ADAMTSL1: variants seen among roughly 807,000 people sequenced by gnomAD.
ADAMTSL1 encodes the protein ADAMTS-like protein 1.
In ADAMTSL1, 126 loss-of-function variants were observed where a neutral mutation model predicts 201.8. That is an observed-to-expected ratio of 0.62 (90% CI 0.54 to 0.72). The LOEUF is 0.72. Among genes scored for constraint, ADAMTSL1 ranks in the 30% least tolerant of loss-of-function variants. The pLI is 0.00. For missense variants in ADAMTSL1, 2,679 were observed against 2,277.8 expected (o/e 1.18, Z -3.59); for synonymous variants, 1,121 against 903.4 (o/e 1.24, Z -4.32).
Position 18,515,311 on chromosome 9 carries a change from G to T in ADAMTSL1, c.191+10355G>T, listed in dbSNP as rs935171679. The stretch of plus-strand genomic sequence containing the variant: ...GCTCCCTGAAAAAGTAGAGGTTAGG[G>T]TAAAGAAGAAAAGAAGAATTTTTGT... On this transcript the variant is annotated intron_variant, in intron 2 of 28. Transcript: ENST00000380548. Among the ~76,000 whole-genome samples, 13 of 152,232 alleles carry T rather than the reference G, an allele frequency of 8.5e-5. No homozygotes were observed. In the East Asian group the frequency reaches 1.9e-3, roughly 23 times the overall value.
intron 19 of ADAMTSL1, among the ~76,000 whole-genome samples, chr9:18,793,008 A>G (rs1822152590): frequency 6.6e-6 from 1 of 152,366 alleles, no homozygotes; most frequent in Non-Finnish European, 1.5e-5. Context: ...TGGATGAGCT[A>G]TATCACAAGC....
chr9:18,860,704 G>A (rs2131414635), intron 23 of ADAMTSL1, among the ~76,000 whole-genome samples: 1 of 152,132 alleles, frequency 6.6e-6, no homozygotes, highest in South Asian at 2.1e-4. Context: ...ATTTTAAGGG[G>A]AAAAAATCTC....
At chr9:17,946,020 C>CA (rs1827454921) in intron 1 of ADAMTSL1, among the ~76,000 whole-genome samples, 2 of 150,306 alleles carry the variant, frequency 1.3e-5, no homozygotes, top group African/African-American at 4.9e-5. Context: ...TCTGTATGTT[C>CA]GTAATTCTTT....
At chr9:17,995,270 C>A (rs917691073) in intron 1 of ADAMTSL1, among the ~76,000 whole-genome samples, 4 of 152,114 alleles carry the variant, frequency 2.6e-5, no homozygotes, top group African/African-American at 9.7e-5. Flanking sequence ...CCTCACTGTT[C>A]CCTGTTAGGT....
chr9:18,701,913 C>T lies in ADAMTSL1; in HGVS notation c.1575-4834C>T, dbSNP rs142321266. 4.5e-3 allele frequency among the ~76,000 whole-genome samples: 688 copies of T among 152,238 alleles called. 4 individuals are homozygous for T. The highest frequency in any genetic ancestry group is 0.016 in the African/African-American group (658 of 41,530). On this transcript the variant is annotated intron_variant, in intron 13 of 28. Coordinates refer to ENST00000380548, the MANE Select transcript of ADAMTSL1 (RefSeq NM_001040272.6). The stretch of plus-strand genomic sequence containing the variant: ...TTTTCACATTGTATTACTCCATTTT[C>T]ACATTGCTGAAAAGACATCTCTGAG...
chr9:18,702,880 A>T (rs1053752168), intron 13 of ADAMTSL1, among the ~76,000 whole-genome samples: 3 of 151,698 alleles, frequency 2.0e-5, no homozygotes, highest in Non-Finnish European at 4.4e-5. Context: ...CTCCTGCCTC[A>T]GCCTCCCGAG....
chr9:18,313,306 G>T (rs1834227532), intron 2 of ADAMTSL1, among the ~76,000 whole-genome samples: 1 of 152,238 alleles, frequency 6.6e-6, no homozygotes, highest in African/African-American at 2.4e-5. Flanking sequence ...AGAGTCCTTA[G>T]GTACCGATAT....
intron 3 of ADAMTSL1, among the ~76,000 whole-genome samples, chr9:18,536,454 T>TTG (rs995793436): frequency 6.6e-6 from 1 of 152,056 alleles, no homozygotes; most frequent in African/African-American, 2.4e-5. Context: ...TTTTTTTTTT[T>TTG]TTTTCCTGAA....
chr9:18,744,775 G>A (rs985685355), intron 15 of ADAMTSL1, among the ~76,000 whole-genome samples: 1 of 152,144 alleles, frequency 6.6e-6, no homozygotes, highest in African/African-American at 2.4e-5. Context: ...TAGAGCCCAA[G>A]GTCCTGTATT....
At chr9:18,517,869 A>G (rs944724396) in intron 2 of ADAMTSL1, among the ~76,000 whole-genome samples, 6 of 152,170 alleles carry the variant, frequency 3.9e-5, no homozygotes, top group Non-Finnish European at 8.8e-5. Flanking sequence ...TTATAGACAG[A>G]TTTTAATCAG....
chr9:18,652,373 A>T (rs1828345308), intron 7 of ADAMTSL1, among the ~76,000 whole-genome samples: 1 of 151,500 alleles, frequency 6.6e-6, no homozygotes, highest in African/African-American at 2.4e-5. Context: ...CTCAAAAAAA[A>T]AAAAAAAAAA....
At chr9:18,756,252 C>T (rs1478474144) in intron 16 of ADAMTSL1, among the ~76,000 whole-genome samples, 1 of 130,322 alleles carries the variant, frequency 7.7e-6, no homozygotes, top group Non-Finnish European at 1.6e-5. Context: ...ACACTCCAGC[C>T]TGGGTGACAG....
chr9:18,105,774 C>G (rs892650491), intron 1 of ADAMTSL1, among the ~76,000 whole-genome samples: 6 of 152,162 alleles, frequency 3.9e-5, no homozygotes, highest in Admixed American at 3.9e-4. Context: ...TTAGTTACAT[C>G]TTATATTGCA....
At chr9:18,397,376 T>A (rs1454595069) in intron 2 of ADAMTSL1, among the ~76,000 whole-genome samples, 3 of 152,080 alleles carry the variant, frequency 2.0e-5, no homozygotes, top group Non-Finnish European at 4.4e-5. Flanking sequence ...GAGTCTATGA[T>A]ACCATTGAAT....
chr9:18,688,202 C>A, intron 13 of ADAMTSL1, among the ~76,000 whole-genome samples: 1 of 151,428 alleles, frequency 6.6e-6, no homozygotes, highest in East Asian at 1.9e-4. Context: ...CGGCTCACTG[C>A]AATCTCTACC....
At chr9:18,300,433 G>A (rs1405307886) in intron 2 of ADAMTSL1, among the ~76,000 whole-genome samples, 2 of 151,328 alleles carry the variant, frequency 1.3e-5, no homozygotes, top group Non-Finnish European at 2.9e-5. Flanking sequence ...GACACAGGGC[G>A]GGTAACATCA....
intron 2 of ADAMTSL1, among the ~76,000 whole-genome samples, chr9:18,375,941 T>G (rs1837276472): frequency 6.6e-6 from 1 of 152,206 alleles, no homozygotes; most frequent in Non-Finnish European, 1.5e-5. Flanking sequence ...GATTGGTCCA[T>G]TTTACAAACC....
intron 2 of ADAMTSL1, among the ~76,000 whole-genome samples, chr9:18,299,244 C>A (rs1172698501): frequency 6.6e-6 from 1 of 152,068 alleles, no homozygotes; most frequent in Non-Finnish European, 1.5e-5. Context: ...GGCTTCTGAG[C>A]CGCCACACTA....
chr9:18,699,966 A>G (rs1039752312), intron 13 of ADAMTSL1, among the ~76,000 whole-genome samples: 5 of 152,210 alleles, frequency 3.3e-5, no homozygotes, highest in African/African-American at 1.2e-4. Context: ...CATAACTAGC[A>G]TGATTTATTT....
Sources: gnomAD v4.1 joint callset for allele counts (sites outside exome capture counted in the v4.1 genomes callset) on GRCh38, gnomAD v4.1.1 for gene constraint, MANE v1.5 for transcripts, NCBI Gene and HGNC (gene_info 2026-07-23, HGNC 2026-07-21) for gene names.